The following CHMP2B variants were observed in gnomAD, a reference collection of about 807,000 sequenced individuals.
The protein encoded by CHMP2B is VPS2 homolog B.
A neutral mutation model predicts 29.8 loss-of-function variants in CHMP2B; 22 were observed. That is an observed-to-expected ratio of 0.74 (90% CI 0.53 to 1.05). The LOEUF (loss-of-function observed/expected upper bound fraction) is 1.05. CHMP2B is among the 50% of genes least tolerant of loss of function. The probability of loss-of-function intolerance (pLI) is 0.00; values close to 1 mark genes in which losing one functional copy is unlikely to be tolerated. For missense variants in CHMP2B, 261 were observed against 252.2 expected (o/e 1.03, Z -0.24); for synonymous variants, 78 against 75.8 (o/e 1.03, Z -0.15).
At chr3:87,230,072 A>G (rs1705879145) in intron 1 of CHMP2B, among the ~76,000 whole-genome samples, 1 of 152,170 alleles carries the variant, frequency 6.6e-6, no homozygotes, top group Non-Finnish European at 1.5e-5. Flanking sequence ...ACATATATAT[A>G]GTGTGTTATG....
At chr3:87,230,970 C>T (rs1705899270) in intron 1 of CHMP2B, among the ~76,000 whole-genome samples, 1 of 151,838 alleles carries the variant, frequency 6.6e-6, no homozygotes, top group South Asian at 2.1e-4. Context: ...TTCCTCTGAC[C>T]ACTCCTTTCT....
Position 87,250,403 on chromosome 3 carries a change from A to G in CHMP2B, c.424+426A>G, listed in dbSNP as rs112390960. ...GTTTTTGTCTTTTTGAATATAAACTAATTACATGTTATGGTGGAAACACAG... is the reference window on the plus strand; with the variant it reads ...GTTTTTGTCTTTTTGAATATAAACTGATTACATGTTATGGTGGAAACACAG... On this transcript the variant is annotated intron_variant, in intron 4 of 5. Coordinates refer to ENST00000263780, the MANE Select transcript of CHMP2B (RefSeq NM_014043.4). 3.3e-3 allele frequency among the ~76,000 whole-genome samples: 508 copies of G among 152,056 alleles called. 4 individuals are homozygous for G. The highest frequency in any genetic ancestry group is 0.011 in the African/African-American group (476 of 41,562).
chr3:87,255,362 C>T lies in CHMP2B; in HGVS notation c.*1540C>T, dbSNP rs1480152438. On this transcript the variant is annotated 3_prime_UTR_variant, in exon 6 of 6. Transcript: ENST00000263780. ...CCGGATTATGGAATGTTTACCAGAA[C>T]ATGTTTTGATTCTTGAATGTACATA... The T allele has an allele frequency of 2.0e-5, 3 of 152,340 alleles. No individual in the cohort carries two copies. Among genetic ancestry groups the T allele is most frequent in the South Asian group, 2.1e-4 (1 of 4,816 alleles). The allele number at this position is 152,340 out of a possible 1,614,324, so 9.4% of individuals were successfully genotyped here. A position where few individuals can be genotyped will look rare whatever the true frequency, so the allele number is the denominator to read the frequency against.
Position 87,249,949 on chromosome 3 carries a change from C to T in CHMP2B, c.396C>T (p.Asn132=). 1.9e-6 allele frequency: 3 copies of T among 1,595,450 alleles called. No homozygotes were observed. Among genetic ancestry groups the T allele is most frequent in the South Asian group, 1.1e-5 (1 of 89,126 alleles). ...LQTMQNFQKE[N]MKMEMTEEMI... is the part of the protein sequence containing the mutation. Reference sequence around the variant, plus strand: ...CAATGCAGAATTTCCAGAAGGAAAACATGAAAATGGAAATGACTGAAGAAA... The same window carrying T: ...CAATGCAGAATTTCCAGAAGGAAAATATGAAAATGGAAATGACTGAAGAAA... The change falls in exon 4 of 6, where the codon AAC becomes AAT. Residue 132 remains asparagine (N), a synonymous_variant. Transcript: ENST00000263780.
chr3:87,249,727 TAGAA>T, intron 3 of CHMP2B, 144 bp from the exon 4 acceptor site: 2 of 497,654 alleles, frequency 4.0e-6, no homozygotes, highest in Non-Finnish European at 7.3e-6. Context: ...CATTTTTTTC[TAGAA>T]TATTTAACAG....
chr3:87,252,116 C>A (rs1706322252), intron 4 of CHMP2B, among the ~76,000 whole-genome samples: 1 of 151,872 alleles, frequency 6.6e-6, no homozygotes, highest in South Asian at 2.1e-4. Flanking sequence ...AGATGACTGA[C>A]TACCTTATGT....
chr3:87,250,078 T>G (rs1706287561), intron 4 of CHMP2B, 101 bp downstream of exon 4: 10 of 711,308 alleles, frequency 1.4e-5, no homozygotes, highest in Admixed American at 2.6e-5. Flanking sequence ...GCAGAAATGA[T>G]GAAACCAAAG....
At chr3:87,234,823 T>C (rs1314961993) in intron 1 of CHMP2B, among the ~76,000 whole-genome samples, 1 of 152,220 alleles carries the variant, frequency 6.6e-6, no homozygotes, top group Non-Finnish European at 1.5e-5. Flanking sequence ...CATGTTTCTG[T>C]CATGATCTTG....
chr3:87,248,467 C>G (rs1400447836), intron 3 of CHMP2B, among the ~76,000 whole-genome samples: 1 of 151,754 alleles, frequency 6.6e-6, no homozygotes, highest in East Asian at 2.0e-4. Flanking sequence ...AGTGATTCTC[C>G]TGCCACAGCC....
In CHMP2B at chr3:87,253,913, G is replaced by A. The variant is rs1207230803; in HGVS notation, c.*91G>A. The A allele has an allele frequency of 4.3e-5, 34 of 794,972 alleles. No homozygotes were observed. The highest frequency in any genetic ancestry group is 3.3e-4 in the Middle Eastern group (1 of 3,022). The allele number at this position is 794,972 out of a possible 1,614,324, so 49.2% of individuals were successfully genotyped here. A position where few individuals can be genotyped will look rare whatever the true frequency, so the allele number is the denominator to read the frequency against. On this transcript the variant is annotated 3_prime_UTR_variant, in exon 6 of 6. Transcript: ENST00000263780. ...TTCTTTTACAAAACACATGTATTTT[G>A]CAAAAAAAAAAAAAATGAAGACCAT...
chr3:87,230,020 G>A (rs1482684243), intron 1 of CHMP2B, among the ~76,000 whole-genome samples: 1 of 152,148 alleles, frequency 6.6e-6, no homozygotes, highest in African/African-American at 2.4e-5. Flanking sequence ...TGAAATTACA[G>A]TTGAGTACTA....
chr3:87,240,468 AC>A (rs1706095966), intron 1 of CHMP2B: 2 of 392,320 alleles, frequency 5.1e-6, no homozygotes, highest in Non-Finnish European at 9.8e-6. Context: ...GTGCCACCAC[AC>A]CCGGCTAATT....
chr3:87,238,286 C>T (rs1406417075), intron 1 of CHMP2B, among the ~76,000 whole-genome samples: 1 of 152,162 alleles, frequency 6.6e-6, no homozygotes, highest in Non-Finnish European at 1.5e-5. Context: ...TACATTCATT[C>T]ACAATGGTGT....
chr3:87,236,403 T>C (rs1706011525), intron 1 of CHMP2B, among the ~76,000 whole-genome samples: 1 of 152,160 alleles, frequency 6.6e-6, no homozygotes, highest in African/African-American at 2.4e-5. Flanking sequence ...ATATTTTTAA[T>C]ATCACCCTCG....
chr3:87,234,637 A>G (rs746112053), intron 1 of CHMP2B, among the ~76,000 whole-genome samples: 6 of 152,208 alleles, frequency 3.9e-5, no homozygotes, highest in South Asian at 2.1e-4. Context: ...TGGCATTTTT[A>G]CAGTGTGAAG....
chr3:87,248,917 A>C (rs897299583), intron 3 of CHMP2B, among the ~76,000 whole-genome samples: 3 of 152,214 alleles, frequency 2.0e-5, no homozygotes, highest in Non-Finnish European at 4.4e-5. Context: ...TATATAATGC[A>C]TACATATATG....
intron 1 of CHMP2B, among the ~76,000 whole-genome samples, chr3:87,237,944 T>C (rs1020741097): frequency 6.6e-6 from 1 of 152,168 alleles, no homozygotes; most frequent in Non-Finnish European, 1.5e-5. Flanking sequence ...ATTTCAACAA[T>C]AGGTAGAATA....
intron 2 of CHMP2B, among the ~76,000 whole-genome samples, chr3:87,242,646 G>A (rs761086181): frequency 2.4e-4 from 37 of 152,202 alleles, no homozygotes; most frequent in Non-Finnish European, 3.5e-4. Flanking sequence ...TTTCAGTATG[G>A]TGTCAGGTAA....
rs186378522 is a variant in CHMP2B at position 87,250,990 on chromosome 3, T to G, written c.424+1013T>G. On this transcript the variant is annotated intron_variant, in intron 4 of 5. Coordinates refer to ENST00000263780, the MANE Select transcript of CHMP2B (RefSeq NM_014043.4). The stretch of plus-strand genomic sequence containing the variant: ...GTTTTGAAAGTATGTTTTCTAAATG[T>G]TTTACAACTATAAAAAATGAAAAAT... Among the ~76,000 whole-genome samples the G allele has an allele frequency of 1.3e-4, 20 of 152,046 alleles. No homozygotes were observed. The East Asian group carries it at 3.9e-3, about 29-fold the overall frequency.
Sources: allele counts gnomAD v4.1 joint callset (sites outside exome capture counted in the v4.1 genomes callset), GRCh38; gene constraint gnomAD v4.1.1; transcripts MANE v1.5; gene names NCBI Gene and HGNC (gene_info 2026-07-23, HGNC 2026-07-21).